The following NKAIN1 variants were observed in gnomAD, a reference collection of about 807,000 sequenced individuals.
NKAIN1 encodes sodium/potassium transporting ATPase interacting 1, also known as sodium/potassium-transporting ATPase subunit beta-1-interacting protein 1.
NKAIN1 carries 13 observed loss-of-function variants against 31.6 expected under a neutral mutation model. That is an observed-to-expected ratio of 0.41 (90% confidence interval 0.27 to 0.65). The LOEUF is 0.65. Ranked by LOEUF, NKAIN1 falls within the 30% of genes least tolerant of loss-of-function variation. The pLI is 0.30. For missense variants in NKAIN1, 193 were observed against 262.2 expected (o/e 0.74, Z 1.82); for synonymous variants, 104 against 109.0 (o/e 0.95, Z 0.28).
chr1:31,189,467 C>T (rs1231438768), intron 1 of NKAIN1, among the ~76,000 whole-genome samples: 3 of 152,178 alleles, frequency 2.0e-5, no homozygotes, highest in East Asian at 3.8e-4. Flanking sequence ...CAGGCACCTG[C>T]CACCATACGC....
At chr1:31,229,027 G>T (rs1158190593) in intron 1 of NKAIN1, among the ~76,000 whole-genome samples, 1 of 152,094 alleles carries the variant, frequency 6.6e-6, no homozygotes, top group African/African-American at 2.4e-5. Context: ...CACTTCATAG[G>T]CTGTGATAAA....
chr1:31,213,286 A>C (rs989751927), intron 1 of NKAIN1, among the ~76,000 whole-genome samples: 5 of 152,232 alleles, frequency 3.3e-5, no homozygotes, highest in Admixed American at 3.3e-4. Context: ...AAGGATTTGC[A>C]AAGAATTTCT....
intron 1 of NKAIN1, among the ~76,000 whole-genome samples, chr1:31,208,738 C>T (rs1025790990): frequency 6.6e-6 from 1 of 152,158 alleles, no homozygotes; most frequent in Non-Finnish European, 1.5e-5. Flanking sequence ...GAGCGGTCAG[C>T]CCTTGTCTAC....
rs1339397308 is a variant in NKAIN1 at position 31,233,186 on chromosome 1, G to C, written c.54+6308C>G. 7.9e-5 allele frequency among the ~76,000 whole-genome samples: 12 copies of C among 152,174 alleles called. No individual in the cohort carries two copies. The East Asian group carries it at 2.3e-3, about 29-fold the overall frequency. On this transcript the variant is annotated intron_variant, in intron 1 of 6. Coordinates refer to ENST00000373736, the MANE Select transcript of NKAIN1 (RefSeq NM_024522.3). This position sits in a 1 kb window ranked among gnomAD's most constrained non-coding sequence, Gnocchi z 4.0. ...GCTGGTTTCGAACTCCTGATCTCAA[G>C]TGATCTGCATGCCTCGGCCTCCCAA...
At chr1:31,185,848 C>T (rs1332669625) in intron 2 of NKAIN1, among the ~76,000 whole-genome samples, 1 of 152,104 alleles carries the variant, frequency 6.6e-6, no homozygotes, top group African/African-American at 2.4e-5. Flanking sequence ...AGGTGGTAAG[C>T]CACTAGAGGG....
At chr1:31,202,132 T>A (rs2050817) in intron 1 of NKAIN1, among the ~76,000 whole-genome samples, 8 of 152,066 alleles carry the variant, frequency 5.3e-5, no homozygotes, top group African/African-American at 1.2e-4. Flanking sequence ...AGCAGCAGGC[T>A]CCTGGCCTCT....
chr1:31,192,505 G>A (rs1645293963), intron 1 of NKAIN1, among the ~76,000 whole-genome samples: 1 of 152,150 alleles, frequency 6.6e-6, no homozygotes, highest in Admixed American at 6.5e-5. Context: ...TATGACCCAG[G>A]CCTGGAAAAG....
At chr1:31,213,553 C>T (rs966581946) in intron 1 of NKAIN1, among the ~76,000 whole-genome samples, 1 of 152,174 alleles carries the variant, frequency 6.6e-6, no homozygotes, top group South Asian at 2.1e-4. Flanking sequence ...TATCATGCGG[C>T]CCTGCATTTC....
intron 1 of NKAIN1, among the ~76,000 whole-genome samples, chr1:31,224,147 G>GAA (rs1284638251): frequency 6.6e-6 from 1 of 152,186 alleles, no homozygotes; most frequent in Non-Finnish European, 1.5e-5. Context: ...GGAGCTGAAT[G>GAA]GGCAGCTGCA....
At chr1:31,234,338 G>A (rs1645679507) in intron 1 of NKAIN1, among the ~76,000 whole-genome samples, 1 of 152,112 alleles carries the variant, frequency 6.6e-6, no homozygotes, top group Non-Finnish European at 1.5e-5. Context: ...GCCCCTGCTG[G>A]AGCCCATCTC....
intron 1 of NKAIN1, among the ~76,000 whole-genome samples, chr1:31,214,815 G>A (rs1645498081): frequency 1.3e-5 from 2 of 152,240 alleles, no homozygotes; most frequent in Admixed American, 6.5e-5. Context: ...CGCTGGAGAG[G>A]ACCCAGGTGG....
chr1:31,238,563 G>A (rs1269552888), intron 1 of NKAIN1, among the ~76,000 whole-genome samples: 1 of 152,120 alleles, frequency 6.6e-6, no homozygotes, highest in East Asian at 1.9e-4. Flanking sequence ...GAAGGGCAGT[G>A]CTGTTTCTTC....
chr1:31,231,748 T>C (rs938326943), intron 1 of NKAIN1, among the ~76,000 whole-genome samples: 2 of 151,848 alleles, frequency 1.3e-5, no homozygotes, highest in African/African-American at 4.8e-5. Flanking sequence ...GCCAGGATGG[T>C]CTCGATCTCC....
chr1:31,204,406 AG>A (rs899497281), intron 1 of NKAIN1, among the ~76,000 whole-genome samples: 39 of 152,280 alleles, frequency 2.6e-4, no homozygotes, highest in African/African-American at 8.9e-4. Flanking sequence ...CCACTCTCCC[AG>A]GACTCCCATC....
chr1:31,224,174 C>T (rs552190933), intron 1 of NKAIN1, among the ~76,000 whole-genome samples: 4 of 152,298 alleles, frequency 2.6e-5, no homozygotes, highest in Admixed American at 1.3e-4. Flanking sequence ...GGGGACATCC[C>T]CCCATGCCCC....
chr1:31,202,422 A>G (rs1320911744), intron 1 of NKAIN1, among the ~76,000 whole-genome samples: 1 of 152,202 alleles, frequency 6.6e-6, no homozygotes, highest in Non-Finnish European at 1.5e-5. Context: ...TCATCTCTGT[A>G]TTCCCAGCAC....
intron 1 of NKAIN1, among the ~76,000 whole-genome samples, chr1:31,215,192 T>TGACGTCTCCTTCC (rs1178864232): frequency 9.9e-5 from 15 of 152,154 alleles, no homozygotes; most frequent in African/African-American, 3.6e-4. Flanking sequence ...CAACCACTTC[T>TGACGTCTCCTTCC]GACTTCTCCT....
At chr1:31,205,320 GT>G (rs1645414905) in intron 1 of NKAIN1, among the ~76,000 whole-genome samples, 1 of 151,620 alleles carries the variant, frequency 6.6e-6, no homozygotes, top group African/African-American at 2.4e-5. Context: ...TTGTTTGTTT[GT>G]TTTTTGAGAC....
rs951159485 is a variant in NKAIN1, at chr1:31,233,410, A to G, written c.54+6084T>C. 2.6e-5 allele frequency among the ~76,000 whole-genome samples: 4 copies of G among 152,240 alleles called. No individual in the cohort carries two copies. Among genetic ancestry groups the G allele is most frequent in the African/African-American group, 7.2e-5 (3 of 41,464 alleles). On this transcript the variant is annotated intron_variant, in intron 1 of 6. Coordinates refer to ENST00000373736, the MANE Select transcript of NKAIN1 (RefSeq NM_024522.3). The surrounding 1 kb of genome is among the most constrained non-coding windows in gnomAD (Gnocchi z 4.0). ...CCTGCTTCCACTCCAGCGTCCCACAATACTAGCAGGGGGCAATGGGGCATG... is the reference window on the plus strand; with the variant it reads ...CCTGCTTCCACTCCAGCGTCCCACAGTACTAGCAGGGGGCAATGGGGCATG...
Sources: gnomAD v4.1 joint callset for allele counts (sites outside exome capture counted in the v4.1 genomes callset) on GRCh38, gnomAD v4.1.1 for gene constraint, Gnocchi (gnomAD v3.1) non-coding constraint, MANE v1.5 for transcripts, NCBI Gene and HGNC (gene_info 2026-07-23, HGNC 2026-07-21) for gene names.